The following MED14 variants were observed in gnomAD, a reference collection of about 807,000 sequenced individuals.
MED14 encodes the protein mediator of RNA polymerase II transcription subunit 14.
MED14 carries 8 observed loss-of-function variants against 109.0 expected under a neutral mutation model. That is an observed-to-expected ratio of 0.07 (90% CI 0.04 to 0.13). The LOEUF (loss-of-function observed/expected upper bound fraction) is 0.13. MED14 is among the 10% of genes least tolerant of loss of function. The pLI is 1.00. For synonymous variants in MED14, 399 were observed against 408.7 expected, an observed-to-expected ratio of 0.98 and a Z score of 0.29; for missense variants, 711 against 1,142.4, an observed-to-expected ratio of 0.62 and a Z score of 5.44.
At chrX:40,734,760 A>G (rs1228949285) in intron 1 of MED14, among the ~76,000 whole-genome samples, 3 of 112,864 alleles carry the variant, frequency 2.7e-5, no homozygotes, top group African/African-American at 9.7e-5. Context: ...TTTGAATTCA[A>G]ATTTGTATTT....
chrX:40,691,607 C>CT (rs36144185), intron 15 of MED14, among the ~76,000 whole-genome samples: 4,282 of 59,428 alleles, frequency 0.072, 561 homozygotes, highest in African/African-American at 0.2. Context: ...TTCTTTTAAT[C>CT]TTTTTTTTTT....
chrX:40,723,717 A>G (rs966166169), intron 3 of MED14, among the ~76,000 whole-genome samples: 1 of 108,894 alleles, frequency 9.2e-6, no homozygotes, highest in Non-Finnish European at 1.9e-5. Context: ...AAAAAATAAA[A>G]AACAAGAAAT....
At chrX:40,711,692 G>A (rs755412686) in intron 7 of MED14, among the ~76,000 whole-genome samples, 92 of 109,357 alleles carry the variant, frequency 8.4e-4, no homozygotes, top group African/African-American at 2.9e-3. Flanking sequence ...GCATGATCTC[G>A]GCTCACTGCA....
chrX:40,697,250 T>C (rs1249255392), intron 12 of MED14, 67 bp from the exon 13 acceptor site: 3 of 636,329 alleles, frequency 4.7e-6, no homozygotes, highest in Non-Finnish European at 7.2e-6. Flanking sequence ...CCTATCGATT[T>C]ACAAATGATT....
intron 1 of MED14, among the ~76,000 whole-genome samples, 162 bp downstream of exon 1, chrX:40,735,036 G>C (rs1932204203): frequency 9.0e-6 from 1 of 111,246 alleles, no homozygotes; most frequent in African/African-American, 3.3e-5. Flanking sequence ...CAGATACAAA[G>C]CTTCTTCTCC....
chrX:40,710,926 C>T (rs1484908566), intron 8 of MED14, among the ~76,000 whole-genome samples: 1 of 111,407 alleles, frequency 9.0e-6, no homozygotes, highest in African/African-American at 3.3e-5. Flanking sequence ...CCAAAATCCA[C>T]GCAAACTCAC....
In MED14 at chrX:40,682,989, G is replaced by T. The variant is rs752426435; in HGVS notation, c.2065C>A (p.Pro689Thr). The T allele has an allele frequency of 2.5e-6, 3 of 1,201,428 alleles. No homozygotes were observed. In the South Asian group the frequency reaches 5.4e-5, roughly 22 times the overall value. Residue 689 changes from proline to threonine, a missense_variant, in exon 17 of 31, where the codon CCC (proline) becomes ACC (threonine). Around this residue, in one of 8 missense-constraint regions of MED14, gnomAD observed 388 missense variants for 517.3 expected, o/e 0.75. Coordinates refer to ENST00000324817, the MANE Select transcript of MED14 (RefSeq NM_004229.4). The stretch of plus-strand genomic sequence containing the variant: ...GTTTCCTCAGTTATACCCTTACAGG[G>T]AGGAATTCTGGTGATAAAAGACAGC... Reference protein sequence around the residue: ...SHAIRLLKIPPCKGITEETQK... With the variant: ...SHAIRLLKIPTCKGITEETQK...
In MED14 at chrX:40,711,789, C is replaced by CT. The variant is rs747072035; in HGVS notation, c.889+396dup. Among the ~76,000 whole-genome samples the CT allele has an allele frequency of 5.7e-3, 555 of 97,121 alleles. 3 individuals carry two copies. Among genetic ancestry groups the CT allele is most frequent in the African/African-American group, 0.019 (505 of 26,828 alleles). The allele number at this position is 97,121 out of a possible 115,157, so 84.3% of individuals were successfully genotyped here. ...AGGTGCCCGCCACCACACCAGGCTT[C>CT]TTTTTTTTTTTTTGGATTTTTAGTA... On this transcript the variant is annotated intron_variant, in intron 7 of 30. Coordinates refer to ENST00000324817, the MANE Select transcript of MED14 (RefSeq NM_004229.4).
At chrX:40,726,639 T>C in intron 3 of MED14, 107 bp downstream of exon 3, 1 of 560,009 alleles carries the variant, frequency 1.8e-6, no homozygotes, top group East Asian at 3.7e-5. Flanking sequence ...ATTATTCACA[T>C]GTCACTCAAA....
chrX:40,712,267 G>C lies in MED14; in HGVS notation c.808C>G (p.Gln270Glu). ...ACCAGTTGATGGATGAAGCTGATTT[G>C]CATGCTATGAACCAAAGCTCGCCCA... is the stretch of plus-strand genomic sequence containing the variant. ...GDGRALVHSMQISFIHQLVQS... is the reference protein window; with the variant it reads ...GDGRALVHSMEISFIHQLVQS... Residue 270 changes from glutamine to glutamate, a missense_variant, in exon 7 of 31, where the codon CAA becomes GAA. Gln to Glu is a conservative substitution (Grantham distance 29). Coordinates refer to ENST00000324817, the MANE Select transcript of MED14 (RefSeq NM_004229.4). 8.3e-7 allele frequency: 1 copy of C among 1,208,233 alleles called. No individual in the cohort carries two copies. Among genetic ancestry groups the C allele is most frequent in the Non-Finnish European group, 1.1e-6 (1 of 893,618 alleles).
At chrX:40,725,187 T>C (rs992077720) in intron 3 of MED14, among the ~76,000 whole-genome samples, 4 of 111,582 alleles carry the variant, frequency 3.6e-5, no homozygotes, top group African/African-American at 1.3e-4. Context: ...TAATTATAAT[T>C]TGTCTCCCAG....
chrX:40,659,623 A>G lies in MED14; in HGVS notation c.3685-16T>C. The G allele has an allele frequency of 8.6e-7, 1 of 1,169,189 alleles. No individual in the cohort carries two copies. Among genetic ancestry groups the G allele is most frequent in the Non-Finnish European group, 1.1e-6 (1 of 871,905 alleles). On this transcript the variant is annotated splice_polypyrimidine_tract_variant and intron_variant, in intron 26 of 30. Coordinates refer to ENST00000324817, the MANE Select transcript of MED14 (RefSeq NM_004229.4). The stretch of plus-strand genomic sequence containing the variant: ...TCAGCTGCAGCTACAAAACAAGGAC[A>G]CATCAAATTAACATGTAAGTCAAAG...
In MED14 at chrX:40,650,193, G is replaced by A. The variant is rs1277094543; in HGVS notation, c.*1613C>T. ...AGAAGGATAAAAAGATTAAGTTAAA[G>A]GAAGGATAAAAGTTTAGTCAACTGC... On this transcript the variant is annotated 3_prime_UTR_variant, in exon 31 of 31. Coordinates refer to ENST00000324817, the MANE Select transcript of MED14 (RefSeq NM_004229.4). The A allele has an allele frequency of 6.6e-6, 5 of 752,655 alleles. No homozygotes were observed. The highest frequency in any genetic ancestry group is 7.8e-6 in the Non-Finnish European group (5 of 638,946). The allele number at this position is 752,655 out of a possible 1,213,427, so 62.0% of individuals were successfully genotyped here.
At chrX:40,710,465 G>T (rs988819521) in intron 8 of MED14, among the ~76,000 whole-genome samples, 3 of 111,701 alleles carry the variant, frequency 2.7e-5, no homozygotes, top group African/African-American at 9.8e-5. Flanking sequence ...AGATGCCGGG[G>T]TGGGGAGAAA....
intron 3 of MED14, among the ~76,000 whole-genome samples, chrX:40,722,531 G>A (rs1034720013): frequency 9.0e-6 from 1 of 111,690 alleles, no homozygotes; most frequent in Non-Finnish European, 1.9e-5. Context: ...GGCAGAAAAA[G>A]AGAGATAAGG....
intron 1 of MED14, chrX:40,729,673 A>C: frequency 5.1e-6 from 1 of 197,421 alleles, no homozygotes; most frequent in Non-Finnish European, 9.2e-6. Flanking sequence ...TTAAGACCAA[A>C]ATGGTCACAG....
chrX:40,715,782 T>A (rs376942935), intron 3 of MED14, among the ~76,000 whole-genome samples: 2 of 52,246 alleles, frequency 3.8e-5, no homozygotes, highest in East Asian at 6.0e-4. Context: ...CGAGACTCCG[T>A]CTCAAAAAAA....
intron 3 of MED14, 67 bp downstream of exon 3, chrX:40,726,679 A>G: frequency 2.3e-6 from 2 of 883,820 alleles, no homozygotes; most frequent in Admixed American, 5.5e-5. Flanking sequence ...GCTAAAATGT[A>G]AAACTATGTC....
Position 40,649,521 on chromosome X carries a change from A to G in MED14, c.*2285T>C, listed in dbSNP as rs891279702. ...ACTATTAATGAAAACATCTTCATCAAAATTAACTAGAGAGTTGGTAGTTCT... is the reference window on the plus strand; with the variant it reads ...ACTATTAATGAAAACATCTTCATCAGAATTAACTAGAGAGTTGGTAGTTCT... On this transcript the variant is annotated 3_prime_UTR_variant, in exon 31 of 31. Transcript: ENST00000324817. 1.5e-6 allele frequency: 1 copy of G among 676,802 alleles called. No homozygotes were observed. The highest frequency in any genetic ancestry group is 1.9e-6 in the Non-Finnish European group (1 of 523,121). 55.8% of individuals were successfully genotyped at this position (676,802 alleles called of 1,213,427 possible). A position where few individuals can be genotyped will look rare whatever the true frequency, so the allele number is the denominator to read the frequency against.
Sources: gnomAD v4.1 joint callset for allele counts (sites outside exome capture counted in the v4.1 genomes callset) on GRCh38, gnomAD v4.1.1 for gene constraint, gnomAD v4.1.1 regional missense constraint, MANE v1.5 for transcripts, NCBI Gene and HGNC (gene_info 2026-07-23, HGNC 2026-07-21) for gene names.